Variants in ITPR1 observed in about 807,000 individuals in gnomAD.
ITPR1 encodes inositol 1,4,5-trisphosphate-gated calcium channel ITPR1.
Under a neutral mutation model 318.4 loss-of-function variants are expected in ITPR1, and 96 were observed. The observed-to-expected ratio is 0.30, with a 90% CI of 0.26 to 0.36. The LOEUF is 0.36. Among genes scored for constraint, ITPR1 ranks in the 10% least tolerant of loss-of-function variants. The probability of loss-of-function intolerance (pLI) is 1.00; values close to 1 mark genes in which losing one functional copy is unlikely to be tolerated. For synonymous variants in ITPR1, 1,312 were observed against 1,289.9 expected, an observed-to-expected ratio of 1.02 and a Z score of -0.37; for missense variants, 2,440 against 3,460.2, an observed-to-expected ratio of 0.71 and a Z score of 7.40.
rs568629992 is a variant in ITPR1, at chr3:4,608,006, T to C, written c.164-19757T>C. On this transcript the variant is annotated intron_variant, in intron 4 of 61. Coordinates refer to ENST00000649015, the MANE Select transcript of ITPR1 (RefSeq NM_001378452.1). Reference sequence around the variant, plus strand: ...CATTAGCTTTACAAAGGGTTGAGTTTTGGGGAAGGGCTGTTATCATTTATA... The same window carrying C: ...CATTAGCTTTACAAAGGGTTGAGTTCTGGGGAAGGGCTGTTATCATTTATA... Among the ~76,000 whole-genome samples, 3 of 152,234 alleles carry C rather than the reference T, an allele frequency of 2.0e-5. No homozygotes were observed. The South Asian group carries it at 6.2e-4, about 32-fold the overall frequency.
At chr3:4,697,120 T>C (rs374980724) in intron 33 of ITPR1, 27 bp from the exon 34 acceptor site, 1 of 1,606,964 alleles carries the variant, frequency 6.2e-7, no homozygotes, top group Non-Finnish European at 8.5e-7. Context: ...AGATGGTTTT[T>C]CAGAAAAGCT....
intron 4 of ITPR1, among the ~76,000 whole-genome samples, chr3:4,590,200 T>C (rs1194687744): frequency 7.1e-6 from 1 of 141,246 alleles, no homozygotes; most frequent in Non-Finnish European, 1.5e-5. Context: ...TTTTTTGTCT[T>C]CATAGCAGGT....
chr3:4,810,639 G>A (rs2048877943), intron 55 of ITPR1, among the ~76,000 whole-genome samples: 1 of 152,206 alleles, frequency 6.6e-6, no homozygotes, highest in Non-Finnish European at 1.5e-5. Context: ...ATGGATGCCA[G>A]TGTGCTAAGC....
chr3:4,752,721 A>T (rs2044637244), intron 44 of ITPR1, among the ~76,000 whole-genome samples: 1 of 152,098 alleles, frequency 6.6e-6, no homozygotes, highest in Non-Finnish European at 1.5e-5. Context: ...CTGGCCTTGA[A>T]CTCCTGGGCT....
Position 4,767,900 on chromosome 3 carries a change from G to A in ITPR1, c.5726-611G>A, listed in dbSNP as rs547163029. Reference sequence around the variant, plus strand: ...ATTGAGGTACCTCCATTTTACAGATGAGGGGACTGGGGCACAGAGATGGTA... The same window carrying A: ...ATTGAGGTACCTCCATTTTACAGATAAGGGGACTGGGGCACAGAGATGGTA... On this transcript the variant is annotated intron_variant, in intron 45 of 61. Coordinates refer to ENST00000649015, the MANE Select transcript of ITPR1 (RefSeq NM_001378452.1). Among the ~76,000 whole-genome samples, 11 of 152,300 alleles carry A rather than the reference G, an allele frequency of 7.2e-5. No individual in the cohort carries two copies. The South Asian group carries it at 2.3e-3, about 32-fold the overall frequency.
chr3:4,709,795 T>C (rs182868422), intron 37 of ITPR1, among the ~76,000 whole-genome samples: 1 of 152,258 alleles, frequency 6.6e-6, no homozygotes, highest in East Asian at 1.9e-4. Context: ...TGTATGACTT[T>C]ATTATGTGAA....
At chr3:4,661,881 C>G (rs950571403) in intron 14 of ITPR1, among the ~76,000 whole-genome samples, 1 of 152,156 alleles carries the variant, frequency 6.6e-6, no homozygotes, top group Admixed American at 6.5e-5. Flanking sequence ...GCCACACTGG[C>G]CCCCATAATA....
chr3:4,799,733 G>A (rs865814529), intron 53 of ITPR1: 1 of 152,258 alleles, frequency 6.6e-6, no homozygotes, highest in Middle Eastern at 3.4e-3. Flanking sequence ...ACTCTAAATA[G>A]AACTTGCAGT....
At chr3:4,842,481 C>T (rs1228460475) in intron 61 of ITPR1, among the ~76,000 whole-genome samples, 1 of 152,304 alleles carries the variant, frequency 6.6e-6, no homozygotes, top group East Asian at 1.9e-4. Flanking sequence ...GATTCTCCTG[C>T]TTCAGGCCCC....
Position 4,801,868 on chromosome 3 carries a change from G to A in ITPR1, c.7107+1268G>A, listed in dbSNP as rs145319555. On this transcript the variant is annotated intron_variant, in intron 54 of 61. Coordinates refer to ENST00000649015, the MANE Select transcript of ITPR1 (RefSeq NM_001378452.1). The stretch of plus-strand genomic sequence containing the variant: ...TGAGAAGAGTTCTTTGGTTTCGTGG[G>A]CCCCATAGGCCAGAGCAGAACAGTG... Among the ~76,000 whole-genome samples, 388 of 152,312 alleles carry A rather than the reference G, an allele frequency of 2.5e-3. 3 individuals carry two copies. Among genetic ancestry groups the A allele is most frequent in the African/African-American group, 8.8e-3 (367 of 41,552 alleles).
intron 54 of ITPR1, among the ~76,000 whole-genome samples, chr3:4,805,115 A>T (rs2048476139): frequency 6.6e-6 from 1 of 152,220 alleles, no homozygotes; most frequent in African/African-American, 2.4e-5. Context: ...AATCCATGCT[A>T]GCCTCAGCAA....
At chr3:4,594,739 A>T (rs2090662434) in intron 4 of ITPR1, among the ~76,000 whole-genome samples, 1 of 151,352 alleles carries the variant, frequency 6.6e-6, no homozygotes. Context: ...TCAGTCATGG[A>T]TATCTGCAAG....
At chr3:4,722,479 G>C (rs370286199) in intron 40 of ITPR1, among the ~76,000 whole-genome samples, 1 of 148,160 alleles carries the variant, frequency 6.7e-6, no homozygotes, top group Non-Finnish European at 1.5e-5. Context: ...TGTAAAAAAC[G>C]TGACAATAAA....
At chr3:4,801,112 G>T (rs1243945747) in intron 54 of ITPR1, among the ~76,000 whole-genome samples, 1 of 152,188 alleles carries the variant, frequency 6.6e-6, no homozygotes, top group African/African-American at 2.4e-5. Flanking sequence ...TAGAAATGCT[G>T]TTTCACTACC....
chr3:4,720,086 G>C (rs893374631), intron 40 of ITPR1, among the ~76,000 whole-genome samples: 3 of 152,232 alleles, frequency 2.0e-5, no homozygotes, highest in Admixed American at 2.0e-4. Flanking sequence ...TTCTTGGCTT[G>C]AAAGAGTTAA....
chr3:4,503,832 G>T (rs988731724), intron 2 of ITPR1, among the ~76,000 whole-genome samples: 4 of 152,038 alleles, frequency 2.6e-5, no homozygotes, highest in Non-Finnish European at 5.9e-5. Context: ...TCATTTGCTG[G>T]TTTTTTGAGG....
At chr3:4,704,195 C>T (rs1009501983) in intron 36 of ITPR1, among the ~76,000 whole-genome samples, 4 of 152,114 alleles carry the variant, frequency 2.6e-5, no homozygotes, top group Admixed American at 6.5e-5. Flanking sequence ...GGCAGATCAC[C>T]TGAGGTTGGG....
chr3:4,828,484 G>A (rs1047670337), intron 60 of ITPR1, among the ~76,000 whole-genome samples: 1 of 152,150 alleles, frequency 6.6e-6, no homozygotes, highest in Non-Finnish European at 1.5e-5. Flanking sequence ...TCCAGCACGG[G>A]TGGCCGGCCC....
At chr3:4,645,863 TACAC>T in intron 10 of ITPR1, 135 bp downstream of exon 10, 1 of 749,508 alleles carries the variant, frequency 1.3e-6, no homozygotes, top group Non-Finnish European at 2.2e-6. Context: ...TACACACACC[TACAC>T]ACACACACAG....
Sources: gnomAD v4.1 joint callset for allele counts (sites outside exome capture counted in the v4.1 genomes callset) on GRCh38, gnomAD v4.1.1 for gene constraint, MANE v1.5 for transcripts, NCBI Gene and HGNC (gene_info 2026-07-23, HGNC 2026-07-21) for gene names.